ITGB3BP: variants seen among roughly 807,000 people sequenced by gnomAD.
ITGB3BP encodes centromere protein R.
ITGB3BP carries 27 observed loss-of-function variants against 29.1 expected under a neutral mutation model. The ratio of observed to expected loss-of-function variants is 0.93; its 90% CI spans 0.68 to 1.28. The LOEUF is 1.28. Ranked by LOEUF, ITGB3BP falls within the 50% of genes most tolerant of loss-of-function variation. ITGB3BP has a pLI of 0.00. For missense variants in ITGB3BP, 192 were observed against 200.2 expected (o/e 0.96, Z 0.25); for synonymous variants, 61 against 61.4 (o/e 0.99, Z 0.03).
chr1:63,494,542 G>T (rs1368476211), intron 2 of ITGB3BP, among the ~76,000 whole-genome samples: 1 of 152,124 alleles, frequency 6.6e-6, no homozygotes, highest in African/African-American at 2.4e-5. Context: ...TGATCTTACA[G>T]GGATAGCAAG....
In ITGB3BP at chr1:63,471,871, G is replaced by A. The variant is rs183262129; in HGVS notation, c.254+6893C>T. On this transcript the variant is annotated intron_variant, in intron 4 of 8. Transcript: ENST00000271002. Reference sequence around the variant, plus strand: ...ACCATCTCGGCTCACTGCAAGCTCCGCCTCCTGGGTTCAAGGGATTCTTCT... The same window carrying A: ...ACCATCTCGGCTCACTGCAAGCTCCACCTCCTGGGTTCAAGGGATTCTTCT... Among the ~76,000 whole-genome samples, 1,189 of 151,302 alleles carry A rather than the reference G, an allele frequency of 7.9e-3. 13 individuals carry two copies. Among genetic ancestry groups the A allele is most frequent in the African/African-American group, 0.026 (1,072 of 41,188 alleles).
Position 63,449,016 on chromosome 1 carries a change from T to TA in ITGB3BP, c.485-2161dup, listed in dbSNP as rs148945764. Among the ~76,000 whole-genome samples, 953 of 152,312 alleles carry TA rather than the reference T, an allele frequency of 6.3e-3. 5 individuals carry two copies. The highest frequency in any genetic ancestry group is 0.022 in the African/African-American group (912 of 41,586). On this transcript the variant is annotated intron_variant, in intron 7 of 8. Coordinates refer to ENST00000271002, the MANE Select transcript of ITGB3BP (RefSeq NM_014288.5). The stretch of plus-strand genomic sequence containing the variant: ...TCACAGAAAATAAAATTTGTTTCTG[T>TA]AGTAAGCAGAACTGTTTAAATGTTA...
chr1:63,528,032 A>C (rs1646627118), upstream of ITGB3BP: 1 of 152,190 alleles, frequency 6.6e-6, no homozygotes. Context: ...GCTTCTCAAA[A>C]AACTAAAAAT....
intron 4 of ITGB3BP, among the ~76,000 whole-genome samples, chr1:63,468,230 T>C (rs1012425283): frequency 6.6e-6 from 1 of 152,178 alleles, no homozygotes; most frequent in Non-Finnish European, 1.5e-5. Context: ...TGACTGACTG[T>C]GTTTAGGTCA....
intron 2 of ITGB3BP, among the ~76,000 whole-genome samples, chr1:63,502,922 A>G (rs532353546): frequency 3.9e-4 from 60 of 152,222 alleles, no homozygotes; most frequent in African/African-American, 1.3e-3. Flanking sequence ...GTTGTTGGAC[A>G]TTTGGCTTGG....
chr1:63,518,578 T>C (rs1570341196), intron 1 of ITGB3BP, among the ~76,000 whole-genome samples: 2 of 151,956 alleles, frequency 1.3e-5, no homozygotes, highest in South Asian at 2.1e-4. Flanking sequence ...ACCTTTCCCT[T>C]TCTTTTCTTT....
At position 63,472,518 on chromosome 1, in the gene ITGB3BP, C is replaced by T. The variant is rs188024593; in HGVS notation, c.254+6246G>A. 3.9e-3 allele frequency among the ~76,000 whole-genome samples: 580 copies of T among 148,368 alleles called. 3 individuals are homozygous for T. Among genetic ancestry groups the T allele is most frequent in the African/African-American group, 0.013 (523 of 40,466 alleles). On this transcript the variant is annotated intron_variant, in intron 4 of 8. Coordinates refer to ENST00000271002, the MANE Select transcript of ITGB3BP (RefSeq NM_014288.5). ...TCCTTCCATGGTCTCCCTCTGATGCCGAGCCAAAGGTGGACGGTACTGCTG... is the reference window on the plus strand; with the variant it reads ...TCCTTCCATGGTCTCCCTCTGATGCTGAGCCAAAGGTGGACGGTACTGCTG...
In ITGB3BP at chr1:63,499,908, T is replaced by C. The variant is rs183761438; in HGVS notation, c.48+8620A>G. On this transcript the variant is annotated intron_variant, in intron 2 of 8. Transcript: ENST00000271002. ...TACTTAATGATGAAAGACTGGATTC[T>C]TTCCCTCTAAGATCAGGTACAAGAA... is the stretch of plus-strand genomic sequence containing the variant. Among the ~76,000 whole-genome samples, 6 of 152,328 alleles carry C rather than the reference T, an allele frequency of 3.9e-5. No individual in the cohort carries two copies. In the East Asian group the frequency reaches 9.7e-4, roughly 25 times the overall value.
At chr1:63,496,239 C>T (rs925851533) in intron 2 of ITGB3BP, among the ~76,000 whole-genome samples, 7 of 152,052 alleles carry the variant, frequency 4.6e-5, no homozygotes, top group Admixed American at 2.6e-4. Flanking sequence ...ACGACAGGTG[C>T]GCACCACCAT....
At chr1:63,473,004 A>G (rs372991079) in intron 4 of ITGB3BP, among the ~76,000 whole-genome samples, 2 of 148,188 alleles carry the variant, frequency 1.3e-5, no homozygotes, top group Non-Finnish European at 3.0e-5. Context: ...GTCTCTGCCC[A>G]GCCGCCATCC....
At chr1:63,448,452 A>G (rs11208220) in intron 7 of ITGB3BP, among the ~76,000 whole-genome samples, 21,029 of 151,868 alleles carry the variant, frequency 0.14, 1,887 homozygotes, top group South Asian at 0.23. Context: ...AAAAATGACT[A>G]CCCTCCTCTT....
chr1:63,526,476 A>T (rs1394096266), upstream of ITGB3BP, among the ~76,000 whole-genome samples: 4 of 152,168 alleles, frequency 2.6e-5, no homozygotes, highest in East Asian at 7.7e-4. Context: ...ATTTTCTTAA[A>T]CCAAAACCCT....
intron 3 of ITGB3BP, among the ~76,000 whole-genome samples, chr1:63,488,788 C>CA (rs1479667680): frequency 2.0e-5 from 3 of 151,956 alleles, no homozygotes; most frequent in Admixed American, 6.6e-5. Flanking sequence ...CTATGTAGGT[C>CA]AAAAAACAGA....
intron 1 of ITGB3BP, 83 bp downstream of exon 1, chr1:63,523,046 G>A: frequency 6.5e-7 from 1 of 1,535,182 alleles, no homozygotes; most frequent in East Asian, 2.2e-5. Flanking sequence ...ATAGGAAAAC[G>A]AGAAAGGCTA....
chr1:63,461,323 T>C lies in ITGB3BP; in HGVS notation c.255-6355A>G, dbSNP rs1645015750. On this transcript the variant is annotated intron_variant, in intron 4 of 8. Coordinates refer to ENST00000271002, the MANE Select transcript of ITGB3BP (RefSeq NM_014288.5). ...TATATTTAAAATTGGATTGTCTTTT[T>C]TCTTGTTGAGTTTTGGAAGCTCTTG... 2.0e-5 allele frequency among the ~76,000 whole-genome samples: 3 copies of C among 152,094 alleles called. No homozygotes were observed. The South Asian group carries it at 6.2e-4, about 32-fold the overall frequency.
At chr1:63,485,299 G>A (rs1645505139) in intron 3 of ITGB3BP, among the ~76,000 whole-genome samples, 1 of 152,026 alleles carries the variant, frequency 6.6e-6, no homozygotes, top group Non-Finnish European at 1.5e-5. Flanking sequence ...CAATGAAGAA[G>A]TCAACTGATA....
At chr1:63,518,673 T>C (rs2100827151) in intron 1 of ITGB3BP, among the ~76,000 whole-genome samples, 1 of 152,124 alleles carries the variant, frequency 6.6e-6, no homozygotes, top group East Asian at 1.9e-4. Context: ...AGCCTTATAA[T>C]ATTCTCTACC....
chr1:63,489,268 T>C (rs565780580), intron 3 of ITGB3BP, among the ~76,000 whole-genome samples: 7 of 152,052 alleles, frequency 4.6e-5, no homozygotes, highest in Admixed American at 3.3e-4. Context: ...GCTTCTAGTA[T>C]ATGCTTAGCA....
chr1:63,460,943 G>T (rs181701490), intron 4 of ITGB3BP, among the ~76,000 whole-genome samples: 1 of 151,900 alleles, frequency 6.6e-6, no homozygotes, highest in Admixed American at 6.6e-5. Flanking sequence ...GTTCTTTCAA[G>T]AAATATCTAC....
Sources: gnomAD v4.1 joint callset for allele counts (sites outside exome capture counted in the v4.1 genomes callset) on GRCh38, gnomAD v4.1.1 for gene constraint, MANE v1.5 for transcripts, NCBI Gene and HGNC (gene_info 2026-07-23, HGNC 2026-07-21) for gene names.